Variants in AFF3 observed in about 807,000 individuals in gnomAD.
AFF3 encodes ALF transcription elongation factor 3.
AFF3 carries 32 observed loss-of-function variants against 129.7 expected under a neutral mutation model. The observed-to-expected ratio is 0.25, with a 90% CI of 0.19 to 0.33. AFF3 has a LOEUF of 0.33. Among genes scored for constraint, AFF3 ranks in the 10% least tolerant of loss-of-function variants. The pLI, the probability that AFF3 is intolerant of heterozygous loss-of-function variation, is 1.00. For synonymous variants in AFF3, 644 were observed against 635.4 expected (o/e 1.01, Z -0.20); for missense variants, 1,373 against 1,592.0 (o/e 0.86, Z 2.34).
chr2:100,108,688 G>C (rs1175577269), intron 2 of AFF3, among the ~76,000 whole-genome samples: 1 of 152,108 alleles, frequency 6.6e-6, no homozygotes. Flanking sequence ...GTCGAGGGCT[G>C]AGAACTGTTT....
At chr2:100,007,548 C>T (rs1340312863) in intron 5 of AFF3, 88 bp from the exon 6 acceptor site, 2 of 1,237,278 alleles carry the variant, frequency 1.6e-6, no homozygotes, top group South Asian at 2.8e-5. Flanking sequence ...AATCACAGAG[C>T]CAGGGTTGTC....
intron 4 of AFF3, among the ~76,000 whole-genome samples, chr2:100,088,036 G>A (rs1348611197): frequency 6.7e-6 from 1 of 150,124 alleles, no homozygotes; most frequent in African/African-American, 2.5e-5. Flanking sequence ...CTGATAAAGG[G>A]CATCTATGAA....
intron 8 of AFF3, among the ~76,000 whole-genome samples, chr2:99,762,270 C>T (rs559058299): frequency 6.6e-6 from 1 of 152,170 alleles, no homozygotes; most frequent in South Asian, 2.1e-4. Flanking sequence ...ACTACAGGCA[C>T]ATGCTACCAT....
At chr2:99,941,561 C>T (rs960938020) in intron 7 of AFF3, among the ~76,000 whole-genome samples, 4 of 152,118 alleles carry the variant, frequency 2.6e-5, no homozygotes, top group African/African-American at 9.7e-5. Flanking sequence ...GCAATGTAAC[C>T]AACTTAAAAA....
intron 10 of AFF3, 64 bp downstream of exon 10, chr2:99,744,040 C>A: frequency 5.0e-6 from 7 of 1,386,478 alleles, no homozygotes; most frequent in Non-Finnish European, 7.0e-6. Flanking sequence ...TCCTCCCTCC[C>A]CTTCTGCCCT....
intron 7 of AFF3, among the ~76,000 whole-genome samples, chr2:99,874,049 C>T (rs376888572): frequency 1.5e-4 from 23 of 152,102 alleles, no homozygotes; most frequent in Admixed American, 1.2e-3. Context: ...TGGTGGTGGA[C>T]GCCTGCAGTC....
chr2:99,623,861 G>A (rs917227543), intron 13 of AFF3, among the ~76,000 whole-genome samples: 5 of 152,242 alleles, frequency 3.3e-5, no homozygotes, highest in African/African-American at 1.2e-4. Context: ...GCAGCAGGCT[G>A]GAGCTGGCAG....
intron 4 of AFF3, among the ~76,000 whole-genome samples, chr2:100,054,786 C>G (rs1686629799): frequency 6.6e-6 from 1 of 152,230 alleles, no homozygotes; most frequent in South Asian, 2.1e-4. Context: ...AAATGGCCAT[C>G]TGATCCACTT....
intron 11 of AFF3, among the ~76,000 whole-genome samples, chr2:99,699,226 G>C (rs1482507331): frequency 6.6e-6 from 1 of 152,188 alleles, no homozygotes; most frequent in African/African-American, 2.4e-5. Context: ...TCAGGTGTTG[G>C]AAGCTGTGCC....
chr2:99,957,656 T>C (rs930802834), intron 7 of AFF3, among the ~76,000 whole-genome samples: 1 of 152,202 alleles, frequency 6.6e-6, no homozygotes, highest in African/African-American at 2.4e-5. Context: ...CTTTCACTAG[T>C]GCTGTCTGTG....
At chr2:100,108,000 G>A (rs567728440) in intron 2 of AFF3, among the ~76,000 whole-genome samples, 1 of 152,140 alleles carries the variant, frequency 6.6e-6, no homozygotes, top group African/African-American at 2.4e-5. Context: ...CCAAAAGCTG[G>A]CTCTGCAGGT....
intron 13 of AFF3, among the ~76,000 whole-genome samples, chr2:99,613,166 G>A (rs1204915860): frequency 6.6e-6 from 1 of 152,124 alleles, no homozygotes; most frequent in African/African-American, 2.4e-5. Context: ...ATATTCACAG[G>A]GGAACTTAAT....
At chr2:100,025,583 A>G (rs989135851) in intron 4 of AFF3, among the ~76,000 whole-genome samples, 2 of 152,208 alleles carry the variant, frequency 1.3e-5, no homozygotes, top group Non-Finnish European at 2.9e-5. Flanking sequence ...AAGAGCCCAC[A>G]TAGCCAAAGC....
chr2:99,929,292 A>G (rs1390236764), intron 7 of AFF3, among the ~76,000 whole-genome samples: 1 of 152,164 alleles, frequency 6.6e-6, no homozygotes, highest in Non-Finnish European at 1.5e-5. Flanking sequence ...GCACCATTGC[A>G]CTCCAGCCTG....
chr2:100,014,694 A>AAAT (rs1223896699), intron 4 of AFF3, among the ~76,000 whole-genome samples: 1 of 152,030 alleles, frequency 6.6e-6, no homozygotes, highest in Non-Finnish European at 1.5e-5. Flanking sequence ...TAGAGGTACA[A>AAAT]AATACATGGA....
At chr2:100,117,257 C>A (rs1691768924) in intron 2 of AFF3, among the ~76,000 whole-genome samples, 1 of 152,120 alleles carries the variant, frequency 6.6e-6, no homozygotes, top group Admixed American at 6.5e-5. Flanking sequence ...TCTGAGACTT[C>A]AATTTTATGC....
intron 4 of AFF3, among the ~76,000 whole-genome samples, chr2:100,104,059 G>C (rs1283629203): frequency 1.3e-5 from 2 of 151,832 alleles, no homozygotes; most frequent in Non-Finnish European, 2.9e-5. Context: ...AGAGGAGCAG[G>C]GGGCCGACGG....
At chr2:99,945,866 C>T (rs7423759) in intron 7 of AFF3, among the ~76,000 whole-genome samples, 122,235 of 152,138 alleles carry the variant, frequency 0.8, 49,164 homozygotes, top group East Asian at 0.83. Flanking sequence ...CACTCGGCAC[C>T]TATCAGAAAA....
intron 1 of AFF3, among the ~76,000 whole-genome samples, chr2:100,137,327 A>T (rs1341043512): frequency 1.9e-4 from 29 of 152,212 alleles, no homozygotes; most frequent in Non-Finnish European, 1.5e-5. Flanking sequence ...CCAATTTCAA[A>T]GATTTTTCCC....
Sources: gnomAD v4.1 joint callset for allele counts (sites outside exome capture counted in the v4.1 genomes callset) on GRCh38, gnomAD v4.1.1 for gene constraint, MANE v1.5 for transcripts, NCBI Gene and HGNC (gene_info 2026-07-23, HGNC 2026-07-21) for gene names.